SCML2: variants seen among roughly 807,000 people sequenced by gnomAD.
SCML2 encodes sex comb on midleg-like protein 2.
A neutral mutation model predicts 48.4 loss-of-function variants in SCML2; 6 were observed. That is an observed-to-expected ratio of 0.12 (90% confidence interval 0.07 to 0.24). SCML2 has a LOEUF of 0.24. Among genes scored for constraint, SCML2 ranks in the 10% least tolerant of loss-of-function variants. The probability of loss-of-function intolerance (pLI) is 1.00; values close to 1 mark genes in which losing one functional copy is unlikely to be tolerated. For synonymous variants in SCML2, 181 were observed against 189.5 expected, an observed-to-expected ratio of 0.95 and a Z score of 0.37; for missense variants, 377 against 528.2, an observed-to-expected ratio of 0.71 and a Z score of 2.81.
chrX:18,307,977 C>T (rs936516070), intron 6 of SCML2, among the ~76,000 whole-genome samples: 1 of 109,904 alleles, frequency 9.1e-6, no homozygotes, highest in African/African-American at 3.3e-5. Context: ...GCCTGTAATC[C>T]CAGCTACTCA....
chrX:18,344,179 T>C (rs893017031), intron 1 of SCML2, among the ~76,000 whole-genome samples: 1 of 108,993 alleles, frequency 9.2e-6, no homozygotes, highest in Non-Finnish European at 1.9e-5. Flanking sequence ...AAAAAAAAAA[T>C]AATAAAATAA....
chrX:18,242,613 C>T, intron 13 of SCML2, 23 bp from the exon 14 acceptor site: 1 of 1,193,132 alleles, frequency 8.4e-7, no homozygotes, highest in Non-Finnish European at 1.1e-6. Flanking sequence ...GGAAAAAAGA[C>T]AAATCATACT....
intron 7 of SCML2, among the ~76,000 whole-genome samples, chrX:18,291,128 C>T (rs999172036): frequency 1.8e-5 from 2 of 111,728 alleles, no homozygotes; most frequent in South Asian, 3.8e-4. Context: ...TTTTCATTTG[C>T]GTGATTCAGC....
At chrX:18,335,075 A>G (rs1569163618) in intron 1 of SCML2, among the ~76,000 whole-genome samples, 1 of 111,668 alleles carries the variant, frequency 9.0e-6, no homozygotes, top group Non-Finnish European at 1.9e-5. Flanking sequence ...CCAGTGGCTA[A>G]AGAAACAGAC....
intron 1 of SCML2, 87 bp from the exon 2 acceptor site, chrX:18,334,182 T>C: frequency 1.6e-6 from 1 of 615,670 alleles, no homozygotes; most frequent in Non-Finnish European, 2.5e-6. Flanking sequence ...CAGATCAATT[T>C]AATCTGTTTC....
intron 7 of SCML2, among the ~76,000 whole-genome samples, chrX:18,273,281 C>T (rs1259978628): frequency 2.7e-5 from 3 of 110,960 alleles, no homozygotes; most frequent in African/African-American, 6.5e-5. Context: ...TTCACTCTCA[C>T]GTTCTCTTGC....
chrX:18,282,207 C>T (rs892285969), intron 7 of SCML2, among the ~76,000 whole-genome samples: 1 of 110,188 alleles, frequency 9.1e-6, no homozygotes, highest in African/African-American at 3.3e-5. Context: ...CAAAAATAAA[C>T]ATGATTGATA....
chrX:18,248,004 C>G, intron 11 of SCML2, 122 bp from the exon 12 acceptor site: 1 of 447,492 alleles, frequency 2.2e-6, no homozygotes, highest in Non-Finnish European at 3.9e-6. Context: ...TCATTGAGAA[C>G]TTCTCAATTA....
intron 13 of SCML2, among the ~76,000 whole-genome samples, chrX:18,243,017 T>C (rs1163868746): frequency 1.8e-5 from 2 of 112,551 alleles, no homozygotes; most frequent in South Asian, 3.7e-4. Flanking sequence ...ACTAGCTAAA[T>C]CCGATGGAAA....
intron 1 of SCML2, among the ~76,000 whole-genome samples, chrX:18,337,343 G>T (rs867503442): frequency 2.4e-3 from 110 of 45,107 alleles, no homozygotes; most frequent in South Asian, 0.012. Context: ...ACAACCAATT[G>T]TATGTTGGCT....
intron 7 of SCML2, among the ~76,000 whole-genome samples, chrX:18,304,435 A>C (rs1602120643): frequency 1.8e-5 from 2 of 111,951 alleles, no homozygotes; most frequent in Admixed American, 1.9e-4. Flanking sequence ...AATAAACATT[A>C]CCATGACTAA....
At position 18,242,517 on chromosome X, in the gene SCML2, A is replaced by G. The variant is rs1380160406; in HGVS notation, c.1896T>C (p.Ser632=). ...QGFSKDPSTW[S]VDEVIQFMKH... is the part of the protein sequence containing the mutation. Reference sequence around the variant, plus strand: ...TCATAAACTGTATCACTTCATCCACAGACCAGGTTGAAGGGTCCTTAGAGA... The same window carrying G: ...TCATAAACTGTATCACTTCATCCACGGACCAGGTTGAAGGGTCCTTAGAGA... Residue 632 remains serine, a synonymous_variant, in exon 14 of 15, where the codon TCT becomes TCC. Coordinates refer to ENST00000251900, the MANE Select transcript of SCML2 (RefSeq NM_006089.3). The G allele has an allele frequency of 1.7e-6, 2 of 1,208,881 alleles. No homozygotes were observed. The highest frequency in any genetic ancestry group is 3.0e-5 in the East Asian group (1 of 33,771).
chrX:18,304,119 A>G (rs1331249955), intron 7 of SCML2, among the ~76,000 whole-genome samples: 2 of 111,667 alleles, frequency 1.8e-5, no homozygotes, highest in African/African-American at 6.5e-5. Context: ...AGCTCACTGC[A>G]ACCTCCACCC....
At position 18,246,706 on chromosome X, in the gene SCML2, T is replaced by C; in HGVS notation, c.1693A>G (p.Ile565Val). The change falls in exon 13 of 15, where the codon ATT becomes GTT. Residue 565 changes from isoleucine to valine, a missense_variant. Physicochemically the swap from Ile to Val is conservative, Grantham distance 29. Coordinates refer to ENST00000251900, the MANE Select transcript of SCML2 (RefSeq NM_006089.3). ...AAATCCTGGGAGACTGAAGTATGAA[T>C]ATACATAGGATTTCTACAGGCAGGA... ...LNPACRNPMY[I>V]HTSVSQDFSR... 8.3e-7 allele frequency: 1 copy of C among 1,210,360 alleles called. No individual in the cohort carries two copies. The highest frequency in any genetic ancestry group is 1.1e-6 in the Non-Finnish European group (1 of 894,437).
At position 18,319,678 on chromosome X, in the gene SCML2, T is replaced by A. The variant is rs1009100283; in HGVS notation, c.486+654A>T. Among the ~76,000 whole-genome samples the A allele has an allele frequency of 2.7e-5, 3 of 111,259 alleles. No individual in the cohort carries two copies. The Admixed American group carries it at 2.9e-4, about 11-fold the overall frequency. ...CTCCGCAACTGTGAGAAAATATATT[T>A]CTATTATTTAAGCTATTGTTACGAA... is the stretch of plus-strand genomic sequence containing the variant. On this transcript the variant is annotated intron_variant, in intron 6 of 14. Coordinates refer to ENST00000251900, the MANE Select transcript of SCML2 (RefSeq NM_006089.3).
chrX:18,251,077 G>A (rs1926640787), intron 11 of SCML2, among the ~76,000 whole-genome samples: 1 of 109,527 alleles, frequency 9.1e-6, no homozygotes, highest in Non-Finnish European at 1.9e-5. Flanking sequence ...TGACCTGTGG[G>A]GATTATGGGA....
At chrX:18,283,511 G>A (rs2143028) in intron 7 of SCML2, among the ~76,000 whole-genome samples, 23,370 of 111,620 alleles carry the variant, frequency 0.21, 1,893 homozygotes, top group Middle Eastern at 0.31. Flanking sequence ...TCTCTTCAGT[G>A]ATGATATGTT....
At chrX:18,296,463 CA>C (rs756193050) in intron 7 of SCML2, among the ~76,000 whole-genome samples, 2 of 109,298 alleles carry the variant, frequency 1.8e-5, no homozygotes, top group East Asian at 5.8e-4. Context: ...CACCATAAAG[CA>C]AACAAATATA....
chrX:18,302,201 C>A (rs1928614555), intron 7 of SCML2, among the ~76,000 whole-genome samples: 1 of 109,658 alleles, frequency 9.1e-6, no homozygotes, highest in African/African-American at 3.3e-5. Flanking sequence ...CTCTCTAAAT[C>A]TAGCTTTTTA....
Sources: allele counts gnomAD v4.1 joint callset (sites outside exome capture counted in the v4.1 genomes callset), GRCh38; gene constraint gnomAD v4.1.1; transcripts MANE v1.5; gene names NCBI Gene and HGNC (gene_info 2026-07-23, HGNC 2026-07-21).